The following GRAP2 variants were observed in gnomAD, a reference collection of about 807,000 sequenced individuals.
The protein encoded by GRAP2 is GRB2 related adaptor protein 2, also known as GRB2-related adapter protein 2.
In GRAP2, 31 loss-of-function variants were observed where a neutral mutation model predicts 43.5. The ratio of observed to expected loss-of-function variants is 0.71; its 90% CI spans 0.54 to 0.96. The LOEUF (loss-of-function observed/expected upper bound fraction) is 0.96. Among genes scored for constraint, GRAP2 ranks in the 40% least tolerant of loss-of-function variants. GRAP2 has a pLI of 0.00. For missense variants in GRAP2, 371 were observed against 424.4 expected, an observed-to-expected ratio of 0.87 and a Z score of 1.11; for synonymous variants, 156 against 164.8, an observed-to-expected ratio of 0.95 and a Z score of 0.41.
chr22:39,896,507 G>A (rs1000324088), upstream of GRAP2, among the ~76,000 whole-genome samples: 9 of 152,154 alleles, frequency 5.9e-5, no homozygotes, highest in Non-Finnish European at 1.2e-4. Flanking sequence ...TTGAATCTGA[G>A]CAACAGGTGG....
intron 1 of GRAP2, among the ~76,000 whole-genome samples, chr22:39,928,757 AG>A (rs1399034456): frequency 2.0e-5 from 3 of 152,228 alleles, no homozygotes; most frequent in Admixed American, 6.5e-5. Context: ...ACAGTAGTGC[AG>A]GCTTGGGCAC....
chr22:39,935,562 T>C (rs949131247), intron 1 of GRAP2, among the ~76,000 whole-genome samples: 6 of 152,232 alleles, frequency 3.9e-5, no homozygotes, highest in Non-Finnish European at 5.9e-5. Flanking sequence ...TTTGCCATAT[T>C]ATCCCTTTTA....
chr22:39,946,856 A>C (rs2066927555), intron 1 of GRAP2: 1 of 440,820 alleles, frequency 2.3e-6, no homozygotes, highest in Non-Finnish European at 4.1e-6. Context: ...GATGGCCTTC[A>C]TTTCCTGCTC....
chr22:39,927,270 C>T (rs1256071506), intron 1 of GRAP2, among the ~76,000 whole-genome samples: 3 of 152,292 alleles, frequency 2.0e-5, no homozygotes, highest in Middle Eastern at 3.4e-3. Flanking sequence ...GGCCCGCCGG[C>T]ATGTGCAAGT....
intron 5 of GRAP2, among the ~76,000 whole-genome samples, chr22:39,966,764 T>C (rs1042428372): frequency 1.2e-4 from 18 of 152,212 alleles, no homozygotes; most frequent in African/African-American, 4.3e-4. Flanking sequence ...AGACCTGGTA[T>C]GAAATCCTGC....
Position 39,947,174 on chromosome 22 carries a change from A to G in GRAP2, c.68A>G (p.Asp23Gly), listed in dbSNP as rs1320961295. Residue 23 changes from aspartate (D) to glycine (G), a missense_variant, in exon 2 of 8, where the codon GAT becomes GGT. Coordinates refer to ENST00000344138, the MANE Select transcript of GRAP2 (RefSeq NM_004810.4). Reference protein sequence around the residue: ...GEDELSFHTGDVLKILSNQEE... With the variant: ...GEDELSFHTGGVLKILSNQEE... ...GATGAACTGAGCTTTCACACTGGAG[A>G]TGTTTTGAAGGTAGGTGACCTGGGG... The G allele has an allele frequency of 2.5e-6, 4 of 1,588,408 alleles. No individual in the cohort carries two copies. Among genetic ancestry groups the G allele is most frequent in the Non-Finnish European group, 3.5e-6 (4 of 1,156,670 alleles).
intron 1 of GRAP2, among the ~76,000 whole-genome samples, chr22:39,902,028 C>A (rs1377810498): frequency 6.6e-6 from 1 of 152,090 alleles, no homozygotes; most frequent in African/African-American, 2.4e-5. Flanking sequence ...TACTGTATTG[C>A]CCTGACAGGT....
intron 1 of GRAP2, among the ~76,000 whole-genome samples, chr22:39,931,078 C>T (rs2066750869): frequency 6.6e-6 from 1 of 152,172 alleles, no homozygotes; most frequent in Admixed American, 6.5e-5. Context: ...TGTCTGAGGT[C>T]TTAAGATGGG....
At chr22:39,936,845 C>T (rs946006592) in intron 1 of GRAP2, among the ~76,000 whole-genome samples, 1 of 152,192 alleles carries the variant, frequency 6.6e-6, no homozygotes, top group African/African-American at 2.4e-5. Context: ...AGGTCGATTG[C>T]AGTCTTTACC....
intron 7 of GRAP2, among the ~76,000 whole-genome samples, chr22:39,969,957 A>G (rs1208559286): frequency 2.0e-5 from 3 of 152,146 alleles, no homozygotes; most frequent in African/African-American, 7.2e-5. Context: ...ACACAGATCA[A>G]CGAGAGGTGA....
At chr22:39,956,222 A>G (rs1307320887) in intron 3 of GRAP2, among the ~76,000 whole-genome samples, 1 of 146,762 alleles carries the variant, frequency 6.8e-6, no homozygotes, top group East Asian at 2.0e-4. Context: ...CGGTGACTCC[A>G]TCACCACTCA....
At chr22:39,925,593 T>G (rs1291298439) in intron 1 of GRAP2, among the ~76,000 whole-genome samples, 1 of 152,188 alleles carries the variant, frequency 6.6e-6, no homozygotes, top group African/African-American at 2.4e-5. Context: ...GGATTCAGCA[T>G]GTGGCCTCAG....
In GRAP2 at chr22:39,923,136, G is replaced by A. The variant is rs559733769; in HGVS notation, c.-15+21806G>A. ...TTTGAGAAAGGGGAGGAAAAGACAC[G>A]GAGGAGTCCAGAAGAAATTTCCAGA... On this transcript the variant is annotated intron_variant, in intron 1 of 7. Transcript: ENST00000344138. Among the ~76,000 whole-genome samples, 5 of 152,126 alleles carry A rather than the reference G, an allele frequency of 3.3e-5. No individual in the cohort carries two copies. The East Asian group carries it at 5.8e-4, about 18-fold the overall frequency.
At chr22:39,962,423 T>G (rs996324083) in intron 4 of GRAP2, among the ~76,000 whole-genome samples, 7 of 151,966 alleles carry the variant, frequency 4.6e-5, no homozygotes, top group African/African-American at 1.7e-4. Context: ...AGACCCTGTC[T>G]CAAGAGAAAA....
intron 1 of GRAP2, among the ~76,000 whole-genome samples, chr22:39,927,832 T>G (rs1001889119): frequency 2.6e-5 from 4 of 152,224 alleles, no homozygotes; most frequent in Non-Finnish European, 5.9e-5. Context: ...TGTCCTTCTG[T>G]CTCCTTCATC....
chr22:39,928,531 A>C (rs79611386), intron 1 of GRAP2, among the ~76,000 whole-genome samples: 1,983 of 152,306 alleles, frequency 0.013, 46 homozygotes, highest in African/African-American at 0.046. Context: ...GAATTGATTA[A>C]ATCCCTGGCA....
At chr22:39,954,944 C>G (rs2067030845) in intron 2 of GRAP2, among the ~76,000 whole-genome samples, 1 of 152,182 alleles carries the variant, frequency 6.6e-6, no homozygotes, top group Admixed American at 6.5e-5. Context: ...ATCTTGGGTT[C>G]CAGCCAAATA....
At chr22:39,925,767 A>C (rs183404122) in intron 1 of GRAP2, among the ~76,000 whole-genome samples, 4 of 152,134 alleles carry the variant, frequency 2.6e-5, no homozygotes, top group Non-Finnish European at 5.9e-5. Flanking sequence ...CCCTTACTCT[A>C]CACCAAGCCC....
intron 1 of GRAP2, among the ~76,000 whole-genome samples, chr22:39,932,716 CAAA>C (rs34623445): frequency 1.3e-4 from 12 of 95,292 alleles, no homozygotes; most frequent in Non-Finnish European, 6.7e-5. Flanking sequence ...ATACCTGTCT[CAAA>C]AAAAAAAAAA....
Sources: allele counts gnomAD v4.1 joint callset (sites outside exome capture counted in the v4.1 genomes callset), GRCh38; gene constraint gnomAD v4.1.1; transcripts MANE v1.5; gene names NCBI Gene and HGNC (gene_info 2026-07-23, HGNC 2026-07-21).